Variants in ISM1 observed in about 807,000 individuals in gnomAD.
ISM1 encodes isthmin 1.
Under a neutral mutation model 46.3 loss-of-function variants are expected in ISM1, and 25 were observed. That is an observed-to-expected ratio of 0.54 (90% confidence interval 0.39 to 0.75). The LOEUF is 0.75. ISM1 is among the 30% of genes least tolerant of loss of function. The pLI, the probability that ISM1 is intolerant of heterozygous loss-of-function variation, is 0.00. For missense variants in ISM1, 536 were observed against 625.4 expected, an observed-to-expected ratio of 0.86 and a Z score of 1.52; for synonymous variants, 255 against 256.7, an observed-to-expected ratio of 0.99 and a Z score of 0.06.
At chr20:13,275,701 T>C (rs2040171433) in intron 2 of ISM1, among the ~76,000 whole-genome samples, 1 of 152,228 alleles carries the variant, frequency 6.6e-6, no homozygotes, top group Admixed American at 6.5e-5. Context: ...AGATCATCCA[T>C]ATGAAGTGCT....
chr20:13,321,493 C>A, the ISM1 span, among the ~76,000 whole-genome samples: 1 of 152,118 alleles, frequency 6.6e-6, no homozygotes. Context: ...ATTCTGGCCC[C>A]AGAAGCATCT....
intron 3 of ISM1, among the ~76,000 whole-genome samples, chr20:13,287,417 A>G (rs1474821743): frequency 6.6e-6 from 1 of 152,196 alleles, no homozygotes; most frequent in African/African-American, 2.4e-5. Flanking sequence ...CTCTTGACAC[A>G]TAGGAATTAT....
At position 13,292,445 on chromosome 20, in the gene ISM1, A is replaced by G. The variant is rs556824904; in HGVS notation, c.859A>G (p.Thr287Ala). Reference sequence around the variant, plus strand: ...TGCGGGAAGCGAGGAGTTTAATGCCACCAAACTGTTTGAAGTTGGTAAGAT... The same window carrying G: ...TGCGGGAAGCGAGGAGTTTAATGCCGCCAAACTGTTTGAAGTTGGTAAGAT... ...LLAGSEEFNA[T>A]KLFEVDTDSC... The change falls in exon 5 of 6, where the codon ACC becomes GCC. Residue 287 changes from threonine to alanine, a missense_variant. By Grantham distance (58) the Thr-to-Ala change is moderately conservative. Transcript: ENST00000262487. 41 of 1,601,700 alleles carry G rather than the reference A, an allele frequency of 2.6e-5. No individual in the cohort carries two copies. The East Asian group carries it at 8.5e-4, about 33-fold the overall frequency.
intron 1 of ISM1, among the ~76,000 whole-genome samples, chr20:13,267,466 T>A (rs1302927343): frequency 1.3e-5 from 2 of 152,166 alleles, no homozygotes; most frequent in Admixed American, 1.3e-4. Flanking sequence ...TCCCTTTCCA[T>A]GTGTAGACAC....
intron 1 of ISM1, among the ~76,000 whole-genome samples, chr20:13,223,597 A>G (rs1468225907): frequency 1.3e-5 from 2 of 152,188 alleles, no homozygotes; most frequent in East Asian, 3.9e-4. Flanking sequence ...AAAAGTACAC[A>G]CCCCAAAGCT....
intron 2 of ISM1, among the ~76,000 whole-genome samples, chr20:13,277,749 G>C (rs920143662): frequency 2.0e-5 from 3 of 151,876 alleles, no homozygotes; most frequent in African/African-American, 7.3e-5. Context: ...ATGGGGTAAA[G>C]CTAGTAGTGC....
rs932889675 is a variant in ISM1 at position 13,300,025 on chromosome 20, C to T, written c.*566C>T. ...ATGGAAATATATCAAAACATGTAAA[C>T]GCCCACCTTAAACCAAATGTTATTT... On this transcript the variant is annotated 3_prime_UTR_variant, in exon 6 of 6. Transcript: ENST00000262487. The T allele has an allele frequency of 1.3e-5, 2 of 152,376 alleles. No homozygotes were observed. The highest frequency in any genetic ancestry group is 1.5e-5 in the Non-Finnish European group (1 of 68,222). 9.4% of individuals were successfully genotyped at this position (152,376 alleles called of 1,614,324 possible).
At chr20:13,318,888 A>T in the ISM1 span, among the ~76,000 whole-genome samples, 1 of 152,234 alleles carries the variant, frequency 6.6e-6, no homozygotes, top group Non-Finnish European at 1.5e-5. Context: ...AGGGATAAAT[A>T]GGCAGAGCAC....
chr20:13,299,611 G>C lies in ISM1; in HGVS notation c.*152G>C, dbSNP rs570163386. On this transcript the variant is annotated 3_prime_UTR_variant, in exon 6 of 6. Transcript: ENST00000262487. This position sits in a 1 kb window ranked among gnomAD's most constrained non-coding sequence, Gnocchi z 5.8. ...ATTTCTCATACATTACGCTAGGGGC[G>C]TGTGCCACGCCCAGGGGACTGCCTT... The C allele has an allele frequency of 1.9e-4, 146 of 762,208 alleles. 1 individual carries two copies. The African/African-American group carries it at 2.5e-3, about 13-fold the overall frequency. The allele number at this position is 762,208 out of a possible 1,614,324, so 47.2% of individuals were successfully genotyped here. A position where few individuals can be genotyped will look rare whatever the true frequency, so the allele number is the denominator to read the frequency against.
rs146333950 is a variant in ISM1 at position 13,265,723 on chromosome 20, T to C, written c.139-4781T>C. Among the ~76,000 whole-genome samples the C allele has an allele frequency of 4.1e-3, 627 of 152,314 alleles. 4 individuals are homozygous for C. The highest frequency in any genetic ancestry group is 0.014 in the African/African-American group (568 of 41,558). The stretch of plus-strand genomic sequence containing the variant: ...TGGCGGTTTTTGCCATTACTTTCAA[T>C]GGCAAAACCTTTATAATTTTCTGGG... On this transcript the variant is annotated intron_variant, in intron 1 of 5. Transcript: ENST00000262487.
At chr20:13,321,251 C>CAAAAAAAAAAAAAAAA in the ISM1 span, among the ~76,000 whole-genome samples, 1 of 23,688 alleles carries the variant, frequency 4.2e-5, no homozygotes, top group Non-Finnish European at 7.1e-5. Flanking sequence ...ATGTGCCCCA[C>CAAAAAAAAAAAAAAAA]ATAAAAAAAA....
At chr20:13,268,118 T>C (rs1378329055) in intron 1 of ISM1, among the ~76,000 whole-genome samples, 1 of 110,052 alleles carries the variant, frequency 9.1e-6, no homozygotes, top group Non-Finnish European at 1.9e-5. Flanking sequence ...TCTCCTGTCT[T>C]CTCTTCTCTT....
chr20:13,277,669 T>C (rs17226515), intron 2 of ISM1, among the ~76,000 whole-genome samples: 14,233 of 151,356 alleles, frequency 0.094, 756 homozygotes, highest in Middle Eastern at 0.17. Flanking sequence ...CTTTTGGGAT[T>C]ACTGAAAAGC....
downstream of ISM1, among the ~76,000 whole-genome samples, chr20:13,305,114 A>G (rs1426536298): frequency 6.6e-6 from 1 of 151,240 alleles, no homozygotes; most frequent in African/African-American, 2.4e-5. Flanking sequence ...TGGTTTTGCT[A>G]TGGGTGATAA....
At position 13,266,645 on chromosome 20, in the gene ISM1, GC is replaced by G. The variant is rs535933942; in HGVS notation, c.139-3854del. ...AGCAATATTTTCCCAAACTGAGCAGGCCCCCTTGTGTCACTTTAACTGGGGC... is the reference window on the plus strand; with the variant it reads ...AGCAATATTTTCCCAAACTGAGCAGGCCCCTTGTGTCACTTTAACTGGGGC... On this transcript the variant is annotated intron_variant, in intron 1 of 5. Coordinates refer to ENST00000262487, the MANE Select transcript of ISM1 (RefSeq NM_080826.2). Among the ~76,000 whole-genome samples, 672 of 152,228 alleles carry G rather than the reference GC, an allele frequency of 4.4e-3. 5 individuals are homozygous for G. Among genetic ancestry groups the G allele is most frequent in the Middle Eastern group, 0.024 (7 of 294 alleles).
At chr20:13,282,991 C>T in intron 3 of ISM1, among the ~76,000 whole-genome samples, 1 of 152,134 alleles carries the variant, frequency 6.6e-6, no homozygotes, top group East Asian at 1.9e-4. Context: ...TCCGGAATTC[C>T]ATACAGCATC....
At chr20:13,224,397 C>A (rs1163020645) in intron 1 of ISM1, among the ~76,000 whole-genome samples, 2 of 152,142 alleles carry the variant, frequency 1.3e-5, no homozygotes, top group Non-Finnish European at 2.9e-5. Context: ...TTTTCAGGCC[C>A]CAGAAAGTGA....
chr20:13,311,243 T>TAGATAGATAGATAGATGACA, the ISM1 span, among the ~76,000 whole-genome samples: 1 of 127,860 alleles, frequency 7.8e-6, no homozygotes, highest in Non-Finnish European at 1.7e-5. Flanking sequence ...GATAGATAGA[T>TAGATAGATAGATAGATGACA]GATAGATAGA....
At chr20:13,233,901 G>A (rs2039618521) in intron 1 of ISM1, among the ~76,000 whole-genome samples, 1 of 152,164 alleles carries the variant, frequency 6.6e-6, no homozygotes. Flanking sequence ...AGCATCTCCT[G>A]AAAGCTTGTT....
Sources: allele counts gnomAD v4.1 joint callset (sites outside exome capture counted in the v4.1 genomes callset), GRCh38; gene constraint gnomAD v4.1.1; non-coding constraint Gnocchi (gnomAD v3.1); transcripts MANE v1.5; gene names NCBI Gene and HGNC (gene_info 2026-07-23, HGNC 2026-07-21).